The following PMS1 variants were observed in gnomAD, a reference collection of about 807,000 sequenced individuals.
PMS1 encodes the protein PMS1 homolog 1, mismatch repair system component.
A neutral mutation model predicts 93.1 loss-of-function variants in PMS1; 79 were observed. The observed-to-expected ratio is 0.85, with a 90% CI of 0.71 to 1.02. The LOEUF (loss-of-function observed/expected upper bound fraction) is 1.02. Among genes scored for constraint, PMS1 ranks in the 50% least tolerant of loss-of-function variants. PMS1 has a pLI of 0.00. For synonymous variants in PMS1, 335 were observed against 363.4 expected, an observed-to-expected ratio of 0.92 and a Z score of 0.89; for missense variants, 1,064 against 1,085.3, an observed-to-expected ratio of 0.98 and a Z score of 0.28.
At chr2:189,785,970 C>T (rs1014107819) in intron 1 of PMS1, among the ~76,000 whole-genome samples, 11 of 151,982 alleles carry the variant, frequency 7.2e-5, no homozygotes, top group Non-Finnish European at 1.3e-4. Context: ...ACTAAAAATA[C>T]GAAAATTAGC....
chr2:189,832,703 G>C (rs1437242251), intron 5 of PMS1, among the ~76,000 whole-genome samples: 2 of 152,098 alleles, frequency 1.3e-5, no homozygotes, highest in Non-Finnish European at 2.9e-5. Flanking sequence ...CTGACCGTGT[G>C]AGCCACCACA....
chr2:189,873,731 C>CT, intron 12 of PMS1, 75 bp downstream of exon 12: 1 of 1,082,074 alleles, frequency 9.2e-7, no homozygotes, highest in Non-Finnish European at 1.4e-6. Context: ...AGGAACCAGG[C>CT]CACACAGCAG....
chr2:189,816,083 G>A (rs2106320255), intron 4 of PMS1, among the ~76,000 whole-genome samples: 1 of 152,234 alleles, frequency 6.6e-6, no homozygotes, highest in East Asian at 1.9e-4. Context: ...TATTTTTAAA[G>A]ACAGGGTCTC....
At chr2:189,847,128 C>T (rs2106428320) in intron 6 of PMS1, among the ~76,000 whole-genome samples, 1 of 151,820 alleles carries the variant, frequency 6.6e-6, no homozygotes, top group Non-Finnish European at 1.5e-5. Context: ...CCAAAGCGCC[C>T]ATTTCTTTTT....
At chr2:189,808,823 A>G (rs2050573620) in intron 4 of PMS1, among the ~76,000 whole-genome samples, 1 of 152,212 alleles carries the variant, frequency 6.6e-6, no homozygotes, top group Non-Finnish European at 1.5e-5. Flanking sequence ...CTAAAAAGAA[A>G]AATAGAAATA....
Position 189,814,080 on chromosome 2 carries a change from C to T in PMS1, c.419-3937C>T, listed in dbSNP as rs5743033. ...ACCTGCTCTGACTGCTAAATGCATG[C>T]ATTTCTTGATCTCCATCAGCTTTTG... On this transcript the variant is annotated intron_variant, in intron 4 of 12. Transcript: ENST00000441310. 1.8e-3 allele frequency among the ~76,000 whole-genome samples: 276 copies of T among 152,280 alleles called. 2 individuals are homozygous for T. The highest frequency in any genetic ancestry group is 6.4e-3 in the African/African-American group (266 of 41,544).
intron 10 of PMS1, among the ~76,000 whole-genome samples, chr2:189,864,717 T>A (rs1425747514): frequency 2.2e-4 from 17 of 78,522 alleles, no homozygotes; most frequent in South Asian, 1.6e-3. Flanking sequence ...TATATATATA[T>A]ATATATATAT....
intron 5 of PMS1, among the ~76,000 whole-genome samples, chr2:189,839,288 G>A (rs567502726): frequency 7.2e-5 from 11 of 152,152 alleles, no homozygotes; most frequent in Non-Finnish European, 1.5e-4. Context: ...ACCACACCTG[G>A]CCTATGATCA....
chr2:189,815,295 C>A (rs1437837203), intron 4 of PMS1, among the ~76,000 whole-genome samples: 1 of 152,026 alleles, frequency 6.6e-6, no homozygotes. Flanking sequence ...CTTTAATTCC[C>A]ACCCCTTTTC....
At chr2:189,870,366 G>A (rs1041981142) in intron 11 of PMS1, among the ~76,000 whole-genome samples, 1 of 152,100 alleles carries the variant, frequency 6.6e-6, no homozygotes, top group African/African-American at 2.4e-5. Flanking sequence ...CATGCTAATA[G>A]GAATAGCTTT....
chr2:189,868,020 G>T, intron 11 of PMS1, 91 bp downstream of exon 11: 1 of 1,132,526 alleles, frequency 8.8e-7, no homozygotes. Context: ...CAGATATGGT[G>T]GTATATTTTT....
intron 4 of PMS1, among the ~76,000 whole-genome samples, chr2:189,809,481 T>TTTTTGG (rs2050646908): frequency 6.9e-6 from 1 of 145,228 alleles, no homozygotes; most frequent in Non-Finnish European, 1.5e-5. Flanking sequence ...TTTTGCTTTT[T>TTTTTGG]GAGACAGGGT....
intron 5 of PMS1, among the ~76,000 whole-genome samples, chr2:189,839,340 A>G (rs551644655): frequency 6.6e-6 from 1 of 152,302 alleles, no homozygotes; most frequent in East Asian, 1.9e-4. Context: ...AGTTCTCACT[A>G]AGTCATTCTT....
chr2:189,828,764 C>G (rs2052663757), intron 5 of PMS1, among the ~76,000 whole-genome samples: 1 of 152,008 alleles, frequency 6.6e-6, no homozygotes, highest in South Asian at 2.1e-4. Context: ...TATATAAACT[C>G]TGCCATAAGT....
intron 2 of PMS1, among the ~76,000 whole-genome samples, chr2:189,792,344 G>T (rs2048938252): frequency 6.6e-6 from 1 of 151,846 alleles, no homozygotes; most frequent in Non-Finnish European, 1.5e-5. Flanking sequence ...AATCATTTGA[G>T]TAAATATGGC....
At chr2:189,837,042 G>T (rs2053437535) in intron 5 of PMS1, among the ~76,000 whole-genome samples, 1 of 152,140 alleles carries the variant, frequency 6.6e-6, no homozygotes, top group South Asian at 2.1e-4. Context: ...GCTATATTCA[G>T]TGCAGGAATT....
rs1201008091 is a variant in PMS1, at chr2:189,854,032, G to A, written c.916G>A (p.Val306Ile). 1 of 1,605,114 alleles carries A rather than the reference G, an allele frequency of 6.2e-7. No individual in the cohort carries two copies. The highest frequency in any genetic ancestry group is 8.5e-7 in the Non-Finnish European group (1 of 1,175,202). Residue 306 changes from valine to isoleucine, a missense_variant, in exon 8 of 13, where the codon GTT (valine) becomes ATT (isoleucine). Coordinates refer to ENST00000441310, the MANE Select transcript of PMS1 (RefSeq NM_000534.5). ...GAAAATCGATGTTCCTACAGCTGAT[G>A]TTGATGTAAATTTAACACCAGATAA... ...FLKIDVPTAD[V>I]DVNLTPDKSQ... is the part of the protein sequence containing the mutation.
intron 9 of PMS1, among the ~76,000 whole-genome samples, chr2:189,861,913 ATAT>A (rs762551383): frequency 1.3e-5 from 2 of 151,698 alleles, no homozygotes; most frequent in Non-Finnish European, 2.9e-5. Flanking sequence ...AATTTATCTA[ATAT>A]ACCTACCTGT....
Position 189,850,998 on chromosome 2 carries a change from T to C in PMS1, c.700-1657T>C, listed in dbSNP as rs537122645. ...TTATGCTTTTTAGGAAATTGAGGAA[T>C]ACATTTGGGTACAGAATTTTGTAAA... is the stretch of plus-strand genomic sequence containing the variant. On this transcript the variant is annotated intron_variant, in intron 6 of 12. Transcript: ENST00000441310. Among the ~76,000 whole-genome samples, 23 of 152,320 alleles carry C rather than the reference T, an allele frequency of 1.5e-4. No homozygotes were observed. The South Asian group carries it at 3.9e-3, about 26-fold the overall frequency.
Sources: allele counts gnomAD v4.1 joint callset (sites outside exome capture counted in the v4.1 genomes callset), GRCh38; gene constraint gnomAD v4.1.1; transcripts MANE v1.5; gene names NCBI Gene and HGNC (gene_info 2026-07-23, HGNC 2026-07-21).